Variants in RIT1 observed in about 807,000 individuals in gnomAD.
RIT1 encodes the protein Ras like without CAAX 1.
Under a neutral mutation model 25.6 loss-of-function variants are expected in RIT1, and 6 were observed. The observed-to-expected ratio is 0.23, with a 90% CI of 0.13 to 0.46. The LOEUF is 0.46. Among genes scored for constraint, RIT1 ranks in the 20% least tolerant of loss-of-function variants. RIT1 has a pLI of 0.99. For missense variants in RIT1, 219 were observed against 284.4 expected, an observed-to-expected ratio of 0.77 and a Z score of 1.65; for synonymous variants, 81 against 94.1, an observed-to-expected ratio of 0.86 and a Z score of 0.80.
rs536675302 is a variant in RIT1 at position 155,906,127 on chromosome 1, TCTAA to T, written c.164-1327_164-1324del. ...TACAGGCGTGAGCCACTGCACCCGG[TCTAA>T]CTGACTATTTTCTAAATAATCCACA... On this transcript the variant is annotated intron_variant, in intron 3 of 5. Coordinates refer to ENST00000368323, the MANE Select transcript of RIT1 (RefSeq NM_006912.6). 8.0e-3 allele frequency among the ~76,000 whole-genome samples: 1,223 copies of T among 152,118 alleles called. 14 individuals are homozygous for T. The highest frequency in any genetic ancestry group is 0.028 in the African/African-American group (1,163 of 41,532).
chr1:155,911,128 G>A (rs1049944014), intron 1 of RIT1, 115 bp downstream of exon 1: 3 of 570,936 alleles, frequency 5.3e-6, no homozygotes, highest in Non-Finnish European at 9.2e-6. Context: ...CCCTTAGGCC[G>A]CAGGGGTTCT....
At chr1:155,900,848 C>A (rs914823483) in intron 5 of RIT1, among the ~76,000 whole-genome samples, 1 of 151,940 alleles carries the variant, frequency 6.6e-6, no homozygotes, top group African/African-American at 2.4e-5. Flanking sequence ...GACAGAGTTG[C>A]GTTCTTGTTG....
chr1:155,900,529 A>G lies in RIT1; in HGVS notation c.519T>C (p.Asp173=), dbSNP rs1203053742. ...TSAAYRYYID[D]VFHALVREIR... The stretch of plus-strand genomic sequence containing the variant: ...TCTCCCGTACAAGGGCATGGAAAAC[A>G]TCATCAATATAGTAGCGGTATGCAG... Residue 173 remains aspartate, a synonymous_variant, in exon 6 of 6, where the codon GAT becomes GAC. Transcript: ENST00000368323. 6.2e-7 allele frequency: 1 copy of G among 1,614,194 alleles called. No homozygotes were observed. The highest frequency in any genetic ancestry group is 1.3e-5 in the African/African-American group (1 of 75,048).
At chr1:155,904,884 G>A in intron 3 of RIT1, 80 bp from the exon 4 acceptor site, 1 of 897,214 alleles carries the variant, frequency 1.1e-6, no homozygotes, top group Non-Finnish European at 1.8e-6. Context: ...TTACAGAGTA[G>A]TACATTGTAT....
At chr1:155,905,475 C>T (rs1430604204) in intron 3 of RIT1, among the ~76,000 whole-genome samples, 1 of 151,900 alleles carries the variant, frequency 6.6e-6, no homozygotes, top group Admixed American at 6.6e-5. Flanking sequence ...GCTGGTATTA[C>T]AGGTGTGGGC....
At chr1:155,904,692 T>TA in intron 4 of RIT1, 39 bp downstream of exon 4, 8 of 1,483,228 alleles carry the variant, frequency 5.4e-6, no homozygotes, top group Non-Finnish European at 7.5e-6. Flanking sequence ...TTTGCTAGAG[T>TA]AAAAAAGCCT....
Position 155,900,435 on chromosome 1 carries a change from T to G in RIT1, c.613A>C (p.Lys205Gln), listed in dbSNP as rs1213285698. ...TTCCGGAATGGTGATTTTAGCCTCT[T>G]CCATACACTGTTTTTGGGCTTAGAT... ...KKSKPKNSVWKRLKSPFRKKK... is the reference protein window; with the variant it reads ...KKSKPKNSVWQRLKSPFRKKK... The change falls in exon 6 of 6, where the codon AAG (lysine) becomes CAG (glutamine). Residue 205 changes from lysine to glutamine, a missense_variant. Coordinates refer to ENST00000368323, the MANE Select transcript of RIT1 (RefSeq NM_006912.6). 1 of 1,614,054 alleles carries G rather than the reference T, an allele frequency of 6.2e-7. No individual in the cohort carries two copies. Among genetic ancestry groups the G allele is most frequent in the Non-Finnish European group, 8.5e-7 (1 of 1,180,018 alleles).
intron 2 of RIT1, 66 bp downstream of exon 2, chr1:155,910,590 G>A: frequency 2.5e-6 from 4 of 1,601,116 alleles, no homozygotes; most frequent in Admixed American, 1.7e-5. Context: ...AAGATAGCAA[G>A]TATCCCATCT....
chr1:155,903,638 G>A (rs921307183), intron 5 of RIT1, among the ~76,000 whole-genome samples: 9 of 152,132 alleles, frequency 5.9e-5, no homozygotes, highest in Middle Eastern at 3.4e-3. Flanking sequence ...GTCTTGCAAT[G>A]AACATGTTAT....
intron 5 of RIT1, among the ~76,000 whole-genome samples, chr1:155,903,127 C>G (rs1673348103): frequency 6.6e-6 from 1 of 152,028 alleles, no homozygotes; most frequent in South Asian, 2.1e-4. Context: ...GAAACCCCAT[C>G]TCACTAAAAA....
intron 5 of RIT1, 151 bp downstream of exon 5, chr1:155,904,160 C>A: frequency 1.7e-6 from 1 of 594,076 alleles, no homozygotes. Context: ...CACCTTGGCC[C>A]CGCAAAGTAC....
In RIT1 at chr1:155,910,514, A is replaced by T. The variant is rs1289502064; in HGVS notation, c.107-8T>A. Reference sequence around the variant, plus strand: ...TGAACTGCATGGTCATGGCTTCAAAAGAAGAAATAAAAGTCAAATCCTCAC... The same window carrying T: ...TGAACTGCATGGTCATGGCTTCAAATGAAGAAATAAAAGTCAAATCCTCAC... On this transcript the variant is annotated splice_polypyrimidine_tract_variant and splice_region_variant and intron_variant, in intron 2 of 5. Coordinates refer to ENST00000368323, the MANE Select transcript of RIT1 (RefSeq NM_006912.6). The T allele has an allele frequency of 1.2e-6, 2 of 1,614,000 alleles. No homozygotes were observed. The highest frequency in any genetic ancestry group is 1.3e-5 in the African/African-American group (1 of 74,944).
chr1:155,904,697 A>T, intron 4 of RIT1, 34 bp downstream of exon 4: 1 of 1,500,376 alleles, frequency 6.7e-7, no homozygotes, highest in Non-Finnish European at 9.3e-7. Flanking sequence ...TAGAGTAAAA[A>T]AGCCTTTACT....
chr1:155,903,402 G>C (rs564578432), intron 5 of RIT1, among the ~76,000 whole-genome samples: 1 of 139,640 alleles, frequency 7.2e-6, no homozygotes, highest in Non-Finnish European at 1.5e-5. Context: ...GCAGTGAGCC[G>C]AGATTGTGCC....
chr1:155,903,534 T>C (rs1673362629), intron 5 of RIT1, among the ~76,000 whole-genome samples: 1 of 151,562 alleles, frequency 6.6e-6, no homozygotes. Context: ...TGAAAACTAT[T>C]AGGAGCCCAT....
At chr1:155,911,079 A>T (rs1037406675) in intron 1 of RIT1, among the ~76,000 whole-genome samples, 164 bp downstream of exon 1, 2 of 152,252 alleles carry the variant, frequency 1.3e-5, no homozygotes, top group African/African-American at 4.8e-5. Flanking sequence ...TCGGCACAGT[A>T]GGGACAAGGA....
chr1:155,900,180 A>G lies in RIT1; in HGVS notation c.*208T>C, dbSNP rs1673282523. On this transcript the variant is annotated 3_prime_UTR_variant, in exon 6 of 6. Transcript: ENST00000368323. The stretch of plus-strand genomic sequence containing the variant: ...TGGTAGAACAAATTCTAATGTGACA[A>G]TTTAAAAGCAGACAGTGCTCCACTG... The G allele has an allele frequency of 1.9e-6, 1 of 532,090 alleles. No individual in the cohort carries two copies. The highest frequency in any genetic ancestry group is 3.3e-6 in the Non-Finnish European group (1 of 301,180). The allele number at this position is 532,090 out of a possible 1,614,324, so 33.0% of individuals were successfully genotyped here.
chr1:155,911,317 T>G lies in RIT1; in HGVS notation c.-118A>C, dbSNP rs981994271. The G allele has an allele frequency of 5.2e-6, 1 of 191,040 alleles. No homozygotes were observed. The highest frequency in any genetic ancestry group is 2.4e-5 in the African/African-American group (1 of 42,074). The allele number at this position is 191,040 out of a possible 1,614,324, so 11.8% of individuals were successfully genotyped here. A position where few individuals can be genotyped will look rare whatever the true frequency, so the allele number is the denominator to read the frequency against. ...ACCACAGCCGGTCGGGTCACGCACTTCGTCTTCCTTCACTCGCGGAGGCTC... is the reference window on the plus strand; with the variant it reads ...ACCACAGCCGGTCGGGTCACGCACTGCGTCTTCCTTCACTCGCGGAGGCTC... On this transcript the variant is annotated 5_prime_UTR_variant, in exon 1 of 6. Coordinates refer to ENST00000368323, the MANE Select transcript of RIT1 (RefSeq NM_006912.6).
rs1045650965 is a variant in RIT1 at position 155,898,217 on chromosome 1, T to C, written c.*2171A>G. The C allele has an allele frequency of 6.6e-6, 1 of 152,260 alleles. No individual in the cohort carries two copies. The highest frequency in any genetic ancestry group is 1.5e-5 in the Non-Finnish European group (1 of 68,028). 9.4% of individuals were successfully genotyped at this position (152,260 alleles called of 1,614,324 possible). On this transcript the variant is annotated 3_prime_UTR_variant, in exon 6 of 6. Coordinates refer to ENST00000368323, the MANE Select transcript of RIT1 (RefSeq NM_006912.6). ...AGCTACCTAGCACCACGAATAGAAC[T>C]AATATTAATGGATGGACTAATACAA... is the stretch of plus-strand genomic sequence containing the variant.
Sources: allele counts gnomAD v4.1 joint callset (sites outside exome capture counted in the v4.1 genomes callset), GRCh38; gene constraint gnomAD v4.1.1; transcripts MANE v1.5; gene names NCBI Gene and HGNC (gene_info 2026-07-23, HGNC 2026-07-21).